EPHB1: variants seen among roughly 807,000 people sequenced by gnomAD.
The protein encoded by EPHB1 is EPH receptor B1, also known as ephrin type-B receptor 1.
Under a neutral mutation model 94.4 loss-of-function variants are expected in EPHB1, and 30 were observed. The observed-to-expected ratio is 0.32, with a 90% CI of 0.24 to 0.43. The LOEUF (loss-of-function observed/expected upper bound fraction) is 0.43. Ranked by LOEUF, EPHB1 falls within the 20% of genes least tolerant of loss-of-function variation. The pLI, the probability that EPHB1 is intolerant of heterozygous loss-of-function variation, is 1.00. For synonymous variants in EPHB1, 522 were observed against 489.1 expected, an observed-to-expected ratio of 1.07 and a Z score of -0.89; for missense variants, 1,055 against 1,308.3, an observed-to-expected ratio of 0.81 and a Z score of 2.99.
chr3:135,174,106 G>T (rs1941899867), intron 9 of EPHB1, among the ~76,000 whole-genome samples: 1 of 152,068 alleles, frequency 6.6e-6, no homozygotes, highest in Non-Finnish European at 1.5e-5. Flanking sequence ...CCAACCTCCA[G>T]CCCCTTCCCC....
intron 3 of EPHB1, among the ~76,000 whole-genome samples, chr3:135,102,792 C>T (rs1008084384): frequency 6.6e-6 from 1 of 152,178 alleles, no homozygotes; most frequent in African/African-American, 2.4e-5. Context: ...GAATACCTTG[C>T]AGCCATAAAA....
In EPHB1 at chr3:135,162,049, G is replaced by A. The variant is rs200172177; in HGVS notation, c.1454G>A (p.Arg485Lys). 2.0e-4 allele frequency: 318 copies of A among 1,612,872 alleles called. No individual in the cohort carries two copies. Among genetic ancestry groups the A allele is most frequent in the Non-Finnish European group, 2.5e-4 (296 of 1,179,376 alleles). The change falls in exon 7 of 16, where the codon AGG (arginine) becomes AAG (lysine). Residue 485 changes from arginine (R) to lysine (K), a missense_variant. Transcript: ENST00000398015. Reference sequence around the variant, plus strand: ...AATGAGTTCAACTCCTCCATGGCCAGGAGTCAGACCAACACAGCAAGGATT... The same window carrying A: ...AATGAGTTCAACTCCTCCATGGCCAAGAGTCAGACCAACACAGCAAGGATT... ...EHNEFNSSMA[R>K]SQTNTARIDG...
chr3:135,189,905 A>G (rs1942414661), intron 10 of EPHB1, among the ~76,000 whole-genome samples: 1 of 152,236 alleles, frequency 6.6e-6, no homozygotes, highest in Admixed American at 6.5e-5. Flanking sequence ...GTTAAACAGT[A>G]TCACTTCTTT....
At chr3:134,908,871 G>A (rs2038391356) in intron 1 of EPHB1, among the ~76,000 whole-genome samples, 2 of 152,054 alleles carry the variant, frequency 1.3e-5, no homozygotes, top group South Asian at 4.2e-4. Context: ...CATTTCTCCT[G>A]GAGAGACTGT....
chr3:134,845,194 A>C (rs1016343995), intron 1 of EPHB1, among the ~76,000 whole-genome samples: 2 of 152,238 alleles, frequency 1.3e-5, no homozygotes, highest in Non-Finnish European at 2.9e-5. Context: ...AATAAAACTC[A>C]ATTCTTGGAG....
intron 3 of EPHB1, among the ~76,000 whole-genome samples, chr3:134,952,352 TTCTCTCTC>T (rs752162465): frequency 6.7e-6 from 1 of 148,560 alleles, no homozygotes; most frequent in Non-Finnish European, 1.5e-5. Flanking sequence ...TCTCTCTCTC[TTCTCTCTC>T]TCTCTCTCTC....
At chr3:134,963,226 T>C (rs1933599726) in intron 3 of EPHB1, among the ~76,000 whole-genome samples, 1 of 151,690 alleles carries the variant, frequency 6.6e-6, no homozygotes, top group African/African-American at 2.4e-5. Flanking sequence ...GTGAAAATAT[T>C]CATGTTAAAA....
intron 1 of EPHB1, among the ~76,000 whole-genome samples, chr3:134,886,338 G>C (rs577752157): frequency 2.6e-5 from 4 of 152,208 alleles, no homozygotes; most frequent in African/African-American, 9.7e-5. Flanking sequence ...CTACGTGCTT[G>C]ACAGGAAGTA....
At chr3:135,102,505 G>A (rs1939068855) in intron 3 of EPHB1, among the ~76,000 whole-genome samples, 1 of 152,014 alleles carries the variant, frequency 6.6e-6, no homozygotes, top group African/African-American at 2.4e-5. Context: ...CTGATTAATG[G>A]CACCTGATAC....
chr3:135,188,189 A>G (rs1942377820), intron 10 of EPHB1, among the ~76,000 whole-genome samples: 1 of 144,060 alleles, frequency 6.9e-6, no homozygotes, highest in African/African-American at 2.5e-5. Flanking sequence ...ACAGAGCGAG[A>G]CTGTCTAAAA....
chr3:134,882,765 C>CCTTCCTTT (rs1553861897), intron 1 of EPHB1, among the ~76,000 whole-genome samples: 9 of 79,930 alleles, frequency 1.1e-4, no homozygotes, highest in African/African-American at 3.1e-4. Context: ...TTCCTTCCTT[C>CCTTCCTTT]CTTTCTTTCT....
chr3:135,046,835 C>T (rs1291878640), intron 3 of EPHB1, among the ~76,000 whole-genome samples: 1 of 152,184 alleles, frequency 6.6e-6, no homozygotes, highest in Non-Finnish European at 1.5e-5. Context: ...TGAGATAACA[C>T]ACATAAAATG....
At chr3:135,173,842 C>G (rs1269540894) in intron 9 of EPHB1, among the ~76,000 whole-genome samples, 2 of 152,186 alleles carry the variant, frequency 1.3e-5, no homozygotes, top group Non-Finnish European at 2.9e-5. Context: ...TGTGCCAGCC[C>G]CTCTTACAAT....
At chr3:135,030,224 C>G (rs1173392036) in intron 3 of EPHB1, among the ~76,000 whole-genome samples, 1 of 152,210 alleles carries the variant, frequency 6.6e-6, no homozygotes. Context: ...TCTCTCAGCT[C>G]GTCAAAGTCA....
chr3:134,995,607 C>T (rs1934964311), intron 3 of EPHB1, among the ~76,000 whole-genome samples: 1 of 152,044 alleles, frequency 6.6e-6, no homozygotes. Context: ...TATATCACTA[C>T]ACAGCAAACA....
chr3:135,097,411 G>A lies in EPHB1; in HGVS notation c.806-9037G>A, dbSNP rs970686645. On this transcript the variant is annotated intron_variant, in intron 3 of 15. Coordinates refer to ENST00000398015, the MANE Select transcript of EPHB1 (RefSeq NM_004441.5). ...ACAGGACCCTGGCTCTGAAGGTCTT[G>A]GCTACGCTCTGGGAACAGGCTGCCA... is the stretch of plus-strand genomic sequence containing the variant. 4.5e-4 allele frequency among the ~76,000 whole-genome samples: 69 copies of A among 152,032 alleles called. 1 individual carries two copies. The highest frequency in any genetic ancestry group is 1.6e-3 in the African/African-American group (68 of 41,396).
chr3:135,005,894 T>C (rs1312224153), intron 3 of EPHB1, among the ~76,000 whole-genome samples: 1 of 152,196 alleles, frequency 6.6e-6, no homozygotes, highest in Non-Finnish European at 1.5e-5. Flanking sequence ...GTACCTCAGA[T>C]GGAAATGCAG....
chr3:134,847,465 C>T (rs1246037903), intron 1 of EPHB1, among the ~76,000 whole-genome samples: 3 of 152,232 alleles, frequency 2.0e-5, no homozygotes, highest in East Asian at 1.9e-4. Flanking sequence ...AAGTGAGATG[C>T]TGTGTCTAAG....
At chr3:135,080,141 T>C (rs952723891) in intron 3 of EPHB1, among the ~76,000 whole-genome samples, 11 of 152,166 alleles carry the variant, frequency 7.2e-5, no homozygotes, top group Non-Finnish European at 1.5e-4. Flanking sequence ...TCCCTAGCTG[T>C]TACTTGTAAG....
Sources: gnomAD v4.1 joint callset for allele counts (sites outside exome capture counted in the v4.1 genomes callset) on GRCh38, gnomAD v4.1.1 for gene constraint, MANE v1.5 for transcripts, NCBI Gene and HGNC (gene_info 2026-07-23, HGNC 2026-07-21) for gene names.